RNF216: variants seen among roughly 807,000 people sequenced by gnomAD.
The protein encoded by RNF216 is ring finger protein 216, also known as E3 ubiquitin-protein ligase RNF216.
A neutral mutation model predicts 110.8 loss-of-function variants in RNF216; 72 were observed. That is an observed-to-expected ratio of 0.65 (90% CI 0.54 to 0.79). The LOEUF is 0.79. RNF216 is among the 30% of genes least tolerant of loss of function. The pLI, the probability that RNF216 is intolerant of heterozygous loss-of-function variation, is 0.00. For synonymous variants in RNF216, 495 were observed against 407.5 expected (o/e 1.21, Z -2.59); for missense variants, 1,342 against 1,141.2 (o/e 1.18, Z -2.54).
intron 3 of RNF216, among the ~76,000 whole-genome samples, chr7:5,742,041 G>C (rs2128654603): frequency 6.6e-6 from 1 of 152,198 alleles, no homozygotes; most frequent in South Asian, 2.1e-4. Flanking sequence ...GATATAGTTT[G>C]AATTATAATT....
intron 13 of RNF216, among the ~76,000 whole-genome samples, chr7:5,700,947 G>A (rs1791926341): frequency 6.6e-6 from 1 of 152,108 alleles, no homozygotes; most frequent in South Asian, 2.1e-4. Flanking sequence ...GCGTATCGCC[G>A]TCTTTGTTTC....
chr7:5,729,318 A>C (rs950189690), intron 7 of RNF216, 114 bp downstream of exon 7: 1 of 973,922 alleles, frequency 1.0e-6, no homozygotes, highest in African/African-American at 1.6e-5. Flanking sequence ...ACCCTAATAA[A>C]TTCCTTAGCA....
intron 15 of RNF216, among the ~76,000 whole-genome samples, chr7:5,634,240 C>T (rs1008635237): frequency 6.7e-6 from 1 of 148,504 alleles, no homozygotes; most frequent in Non-Finnish European, 1.5e-5. Flanking sequence ...CTTCATTGCA[C>T]TTTTCCTCCC....
At chr7:5,754,119 GGTGTGTGTGTGTGTGTGTGTGTGTGT>G (rs10543449) in intron 2 of RNF216, among the ~76,000 whole-genome samples, 1 of 141,998 alleles carries the variant, frequency 7.0e-6, no homozygotes, top group African/African-American at 2.7e-5. Flanking sequence ...TCTTTTGTGT[GGTGTGTGTGTGTGTGTGTGTGTGTGT>G]GTGTGTGTGT....
At chr7:5,742,586 C>CTTTTTTTTTT in intron 3 of RNF216, among the ~76,000 whole-genome samples, 1 of 65,988 alleles carries the variant, frequency 1.5e-5, no homozygotes, top group Non-Finnish European at 2.7e-5. Flanking sequence ...GGTGAAAAAT[C>CTTTTTTTTTT]TTTTTTTTTT....
chr7:5,623,158 C>A lies in RNF216; in HGVS notation c.2474G>T (p.Gly825Val). The change falls in exon 17 of 17, where the codon GGA becomes GTA. Residue 825 changes from glycine to valine, a missense_variant. Transcript: ENST00000389902. The stretch of plus-strand genomic sequence containing the variant: ...CTCCACAGGCTTCTCCAGCGGGGGT[C>A]CAATGCGTTTGAAGGTGTTCTCTGA... Reference protein sequence around the residue: ...KNGENTFKRIGPPLEKPVEKV... With the variant: ...KNGENTFKRIVPPLEKPVEKV... 6.4e-7 allele frequency: 1 copy of A among 1,571,784 alleles called. No individual in the cohort carries two copies.
intron 1 of RNF216, among the ~76,000 whole-genome samples, chr7:5,770,426 A>G (rs1006274874): frequency 2.6e-4 from 40 of 151,006 alleles, no homozygotes; most frequent in Admixed American, 2.3e-3. Flanking sequence ...ATGCCAATGC[A>G]CTCCAGCCTG....
At position 5,680,142 on chromosome 7, in the gene RNF216, G is replaced by A. The variant is rs967702209; in HGVS notation, c.2062-27632C>T. 2.0e-5 allele frequency among the ~76,000 whole-genome samples: 3 copies of A among 152,158 alleles called. No homozygotes were observed. The highest frequency in any genetic ancestry group is 4.8e-5 in the African/African-American group (2 of 41,424). ...ACAAGGGACATCTCCCCCACGAGCTGGCCCTGAAGCTTCCAGCCTCCTCAG... is the reference window on the plus strand; with the variant it reads ...ACAAGGGACATCTCCCCCACGAGCTAGCCCTGAAGCTTCCAGCCTCCTCAG... On this transcript the variant is annotated intron_variant, in intron 13 of 16. Transcript: ENST00000389902. The surrounding 1 kb of genome is among the most constrained non-coding windows in gnomAD (Gnocchi z 4.3).
intron 13 of RNF216, among the ~76,000 whole-genome samples, chr7:5,686,158 G>T (rs1790970127): frequency 6.6e-6 from 1 of 150,794 alleles, no homozygotes; most frequent in Non-Finnish European, 1.5e-5. Context: ...AGAAGGCAGA[G>T]GTTGCAGTGA....
chr7:5,754,142 G>C (rs1056524521), intron 2 of RNF216, among the ~76,000 whole-genome samples: 3 of 151,426 alleles, frequency 2.0e-5, no homozygotes, highest in Non-Finnish European at 4.4e-5. Flanking sequence ...GTGTGTGTGT[G>C]TGTGTGTGTG....
intron 12 of RNF216, 43 bp from the exon 13 acceptor site, chr7:5,711,882 AG>A: frequency 6.4e-7 from 1 of 1,563,610 alleles, no homozygotes; most frequent in Middle Eastern, 1.7e-4. Flanking sequence ...CAAACATTAA[AG>A]CCTGATCTGG....
chr7:5,623,816 C>T (rs546836320), intron 16 of RNF216, among the ~76,000 whole-genome samples: 2 of 152,126 alleles, frequency 1.3e-5, no homozygotes, highest in African/African-American at 4.8e-5. Flanking sequence ...TGAGCTCAAA[C>T]CCACCCCTTG....
chr7:5,624,173 C>T lies in RNF216; in HGVS notation c.2383-48G>A. Reference sequence around the variant, plus strand: ...GATGAACCTGTAGCTTCATGCAGTGCTGAGGCCCCGTGGGACAGTGAGGAG... The same window carrying T: ...GATGAACCTGTAGCTTCATGCAGTGTTGAGGCCCCGTGGGACAGTGAGGAG... On this transcript the variant is annotated intron_variant, in intron 15 of 16. Coordinates refer to ENST00000389902, the MANE Select transcript of RNF216 (RefSeq NM_207111.4). The surrounding 1 kb of genome is among the most constrained non-coding windows in gnomAD (Gnocchi z 4.4). 1 of 1,537,832 alleles carries T rather than the reference C, an allele frequency of 6.5e-7. No homozygotes were observed. The highest frequency in any genetic ancestry group is 8.9e-7 in the Non-Finnish European group (1 of 1,118,308).
chr7:5,773,796 G>A (rs1796628703), intron 1 of RNF216, among the ~76,000 whole-genome samples: 1 of 152,164 alleles, frequency 6.6e-6, no homozygotes, highest in African/African-American at 2.4e-5. Flanking sequence ...TTGAACTCCT[G>A]ACTTCAGTGA....
intron 14 of RNF216, among the ~76,000 whole-genome samples, chr7:5,648,514 A>T (rs1342800077): frequency 6.6e-6 from 1 of 151,638 alleles, no homozygotes; most frequent in Non-Finnish European, 1.5e-5. Context: ...TCATGAGGTC[A>T]GGAGATCGAG....
chr7:5,687,394 C>CAAAAAAAAAAAAAAA (rs372177142), intron 13 of RNF216, among the ~76,000 whole-genome samples: 1 of 49,880 alleles, frequency 2.0e-5, no homozygotes, highest in Admixed American at 2.2e-4. Flanking sequence ...AACTCCACCT[C>CAAAAAAAAAAAAAAA]AAAAAAAAAA....
rs148677878 is a variant in RNF216, at chr7:5,685,997, C to T, written c.2061+25764G>A. Among the ~76,000 whole-genome samples the T allele has an allele frequency of 6.6e-4, 100 of 151,890 alleles. No individual in the cohort carries two copies. The East Asian group carries it at 0.018, about 28-fold the overall frequency. ...CAGCAGTTTGGGAGGCTGAGGCGGA[C>T]GGATCATCTGAGGTGAGGAGTTCGA... On this transcript the variant is annotated intron_variant, in intron 13 of 16. Transcript: ENST00000389902.
intron 14 of RNF216, among the ~76,000 whole-genome samples, chr7:5,649,397 AAGAC>A (rs1289790837): frequency 2.0e-5 from 3 of 151,940 alleles, no homozygotes; most frequent in Non-Finnish European, 4.4e-5. Context: ...AAAAAAAAAA[AAGAC>A]AGAAAGAAAG....
At chr7:5,721,463 T>C (rs1314304991) in intron 8 of RNF216, among the ~76,000 whole-genome samples, 1 of 152,234 alleles carries the variant, frequency 6.6e-6, no homozygotes, top group Non-Finnish European at 1.5e-5. Context: ...TATTATCTAT[T>C]TCACTACTGA....
Sources: allele counts gnomAD v4.1 joint callset (sites outside exome capture counted in the v4.1 genomes callset), GRCh38; gene constraint gnomAD v4.1.1; non-coding constraint Gnocchi (gnomAD v3.1); transcripts MANE v1.5; gene names NCBI Gene and HGNC (gene_info 2026-07-23, HGNC 2026-07-21).